PRKN: variants seen among roughly 807,000 people sequenced by gnomAD.
PRKN encodes the protein parkin RBR E3 ubiquitin protein ligase.
Under a neutral mutation model 59.5 loss-of-function variants are expected in PRKN, and 56 were observed. The observed-to-expected ratio is 0.94, with a 90% CI of 0.76 to 1.18. PRKN has a LOEUF of 1.18. Among genes scored for constraint, PRKN ranks in the 50% most tolerant of loss-of-function variants. PRKN has a pLI of 0.00. For synonymous variants in PRKN, 250 were observed against 222.1 expected (o/e 1.13, Z -1.12); for missense variants, 657 against 596.4 (o/e 1.10, Z -1.06).
At chr6:161,507,901 T>C (rs539751804) in intron 9 of PRKN, among the ~76,000 whole-genome samples, 12 of 152,314 alleles carry the variant, frequency 7.9e-5, no homozygotes, top group African/African-American at 2.6e-4. Context: ...GTGCAAAACA[T>C]AGGTCCAGGT....
At chr6:161,632,014 T>A (rs1457216306) in intron 7 of PRKN, among the ~76,000 whole-genome samples, 1 of 152,198 alleles carries the variant, frequency 6.6e-6, no homozygotes, top group Non-Finnish European at 1.5e-5. Flanking sequence ...ATTAAAATGG[T>A]CTGTACAAAT....
chr6:162,581,812 G>C (rs1780803517), intron 1 of PRKN, among the ~76,000 whole-genome samples: 1 of 152,116 alleles, frequency 6.6e-6, no homozygotes. Context: ...AACTAATAGA[G>C]TTAGGTAAAG....
chr6:161,516,491 A>AAG (rs1162502336), intron 9 of PRKN, among the ~76,000 whole-genome samples: 13 of 56,086 alleles, frequency 2.3e-4, no homozygotes, highest in Admixed American at 3.9e-4. Context: ...AAAAAAAAAA[A>AAG]AAGAAGAAGA....
chr6:162,352,913 G>A (rs1174626438), intron 2 of PRKN, among the ~76,000 whole-genome samples: 13 of 152,182 alleles, frequency 8.5e-5, no homozygotes, highest in Admixed American at 7.9e-4. Context: ...AAGATGAATA[G>A]ATGGGGACTG....
At chr6:161,807,203 G>A (rs1791367821) in intron 6 of PRKN, among the ~76,000 whole-genome samples, 1 of 152,136 alleles carries the variant, frequency 6.6e-6, no homozygotes, top group Non-Finnish European at 1.5e-5. Flanking sequence ...ACCATACGGA[G>A]ATTTCAGTAA....
chr6:161,874,973 T>A (rs12202030), intron 6 of PRKN, among the ~76,000 whole-genome samples: 99,444 of 102,646 alleles, frequency 0.97, 48,330 homozygotes, highest in Non-Finnish European at 1. Context: ...AATATATAAT[T>A]TATTATATTA....
chr6:162,344,107 C>A (rs532331312), intron 2 of PRKN, among the ~76,000 whole-genome samples: 33 of 152,126 alleles, frequency 2.2e-4, no homozygotes, highest in Non-Finnish European at 3.8e-4. Flanking sequence ...TTTTGAGGTG[C>A]CATTCCCATG....
At chr6:162,096,688 C>T (rs779063013) in intron 4 of PRKN, among the ~76,000 whole-genome samples, 36 of 151,972 alleles carry the variant, frequency 2.4e-4, no homozygotes, top group South Asian at 1.0e-3. Context: ...TTTTGCCTGC[C>T]GCCATGTAAG....
At chr6:161,474,129 C>A (rs916042485) in intron 9 of PRKN, among the ~76,000 whole-genome samples, 1 of 152,200 alleles carries the variant, frequency 6.6e-6, no homozygotes, top group African/African-American at 2.4e-5. Flanking sequence ...CTCCACCTCT[C>A]CTGTGGTGGC....
At chr6:161,809,977 C>T (rs1397768815) in intron 6 of PRKN, among the ~76,000 whole-genome samples, 1 of 152,132 alleles carries the variant, frequency 6.6e-6, no homozygotes, top group African/African-American at 2.4e-5. Context: ...ATATAACAAA[C>T]TTTATAATGA....
chr6:162,257,095 C>T (rs1305032352), intron 3 of PRKN, among the ~76,000 whole-genome samples: 2 of 152,142 alleles, frequency 1.3e-5, no homozygotes, highest in African/African-American at 2.4e-5. Context: ...TATTCCTCTC[C>T]GCAGCTTTTT....
At chr6:162,270,195 T>A (rs892272710) in intron 2 of PRKN, 2 of 152,208 alleles carry the variant, frequency 1.3e-5, no homozygotes, top group African/African-American at 4.8e-5. Flanking sequence ...TAAAAAGGAA[T>A]GAATTAATGG....
chr6:161,740,000 C>T (rs1788122024), intron 7 of PRKN, among the ~76,000 whole-genome samples: 1 of 152,152 alleles, frequency 6.6e-6, no homozygotes, highest in Admixed American at 6.6e-5. Context: ...GGTGATCTGC[C>T]CAGCTCGTCC....
At chr6:162,342,011 AT>A (rs2128128444) in intron 2 of PRKN, among the ~76,000 whole-genome samples, 1 of 152,258 alleles carries the variant, frequency 6.6e-6, no homozygotes, top group South Asian at 2.1e-4. Flanking sequence ...TTTTAATGAA[AT>A]AGTTTTTTTT....
rs555194365 is a variant in PRKN, at chr6:162,471,076, A to ATTTATTTATTTATTTTCATT, written c.8-27623_8-27604dup. Among the ~76,000 whole-genome samples the ATTTATTTATTTATTTTCATT allele has an allele frequency of 7.1e-3, 519 of 73,520 alleles. 9 individuals carry two copies. In the East Asian group the frequency reaches 0.11, roughly 16 times the overall value. 48.2% of individuals were successfully genotyped at this position (73,520 alleles called of 152,430 possible). On this transcript the variant is annotated intron_variant, in intron 1 of 11. Coordinates refer to ENST00000366898, the MANE Select transcript of PRKN (RefSeq NM_004562.3). ...ACGCCCAGCCCACACTCTATTTTTT[A>ATTTATTTATTTATTTTCATT]TTTATTTATTTATTTTCATTTTTAT...
intron 6 of PRKN, among the ~76,000 whole-genome samples, chr6:161,970,457 A>G (rs1780759607): frequency 6.6e-6 from 1 of 151,720 alleles, no homozygotes; most frequent in African/African-American, 2.4e-5. Context: ...GCACACACAC[A>G]CTGCAAATAG....
At chr6:162,315,734 A>G in intron 2 of PRKN, among the ~76,000 whole-genome samples, 1 of 152,220 alleles carries the variant, frequency 6.6e-6, no homozygotes, top group East Asian at 1.9e-4. Flanking sequence ...GCTTAAAAAT[A>G]GAAGGGGCAG....
intron 1 of PRKN, among the ~76,000 whole-genome samples, chr6:162,658,036 T>A (rs1778716480): frequency 6.6e-6 from 1 of 152,222 alleles, no homozygotes; most frequent in African/African-American, 2.4e-5. Flanking sequence ...TGACAAGGCA[T>A]GCAACCAGAT....
chr6:161,671,263 G>A (rs1784898996), intron 7 of PRKN, among the ~76,000 whole-genome samples: 1 of 152,134 alleles, frequency 6.6e-6, no homozygotes, highest in Non-Finnish European at 1.5e-5. Flanking sequence ...CCTTCTTAGT[G>A]TTGGCAGTGA....
Sources: allele counts gnomAD v4.1 joint callset (sites outside exome capture counted in the v4.1 genomes callset), GRCh38; gene constraint gnomAD v4.1.1; transcripts MANE v1.5; gene names NCBI Gene and HGNC (gene_info 2026-07-23, HGNC 2026-07-21).